FGD3: variants seen among roughly 807,000 people sequenced by gnomAD.
FGD3 encodes the protein FYVE, RhoGEF and PH domain containing 3, also known as FYVE, RhoGEF and PH domain-containing protein 3.
FGD3 carries 45 observed loss-of-function variants against 71.8 expected under a neutral mutation model. That is an observed-to-expected ratio of 0.63 (90% CI 0.49 to 0.80). FGD3 has a LOEUF of 0.80. FGD3 is among the 30% of genes least tolerant of loss of function. The pLI is 0.00. For synonymous variants in FGD3, 378 were observed against 392.8 expected (o/e 0.96, Z 0.44); for missense variants, 844 against 951.5 (o/e 0.89, Z 1.49).
intron 6 of FGD3, 45 bp downstream of exon 6, chr9:93,006,225 C>T (rs1341161059): frequency 2.0e-6 from 3 of 1,472,344 alleles, no homozygotes; most frequent in African/African-American, 1.4e-5. Flanking sequence ...TCTCAAGATG[C>T]ACAGAGCCTG....
chr9:92,949,069 T>A (rs1858906728), intron 1 of FGD3, among the ~76,000 whole-genome samples: 2 of 152,186 alleles, frequency 1.3e-5, no homozygotes. Flanking sequence ...CCTAGGGGAC[T>A]GCAGGCTTCT....
At chr9:93,034,858 A>C (rs958049184) in intron 17 of FGD3, among the ~76,000 whole-genome samples, 177 bp downstream of exon 17, 6 of 152,094 alleles carry the variant, frequency 3.9e-5, no homozygotes, top group Non-Finnish European at 8.8e-5. Flanking sequence ...AGGAGACAGA[A>C]CCTACTGGCA....
At chr9:92,988,216 T>C (rs1185808204) in intron 3 of FGD3, among the ~76,000 whole-genome samples, 2 of 152,206 alleles carry the variant, frequency 1.3e-5, no homozygotes, top group Non-Finnish European at 1.5e-5. Flanking sequence ...CACACACTAG[T>C]TGAAGAGGCC....
At position 92,952,969 on chromosome 9, in the gene FGD3, C is replaced by T. The variant is rs138079601; in HGVS notation, c.-218+5240C>T. Reference sequence around the variant, plus strand: ...CTTAGACTAAGGATTGAATAGTAAACGGTGGATCCAAGTGATTGTGAGAAT... The same window carrying T: ...CTTAGACTAAGGATTGAATAGTAAATGGTGGATCCAAGTGATTGTGAGAAT... On this transcript the variant is annotated intron_variant, in intron 1 of 17. Coordinates refer to ENST00000375482, the MANE Select transcript of FGD3 (RefSeq NM_001083536.2). 3.3e-3 allele frequency among the ~76,000 whole-genome samples: 498 copies of T among 152,278 alleles called. 3 individuals carry two copies. Among genetic ancestry groups the T allele is most frequent in the South Asian group, 6.6e-3 (32 of 4,830 alleles).
At chr9:92,984,481 A>G (rs769934922) in intron 3 of FGD3, among the ~76,000 whole-genome samples, 2 of 152,206 alleles carry the variant, frequency 1.3e-5, no homozygotes, top group Non-Finnish European at 2.9e-5. Flanking sequence ...GGTTATCTAC[A>G]TACTGTAGAA....
At chr9:93,019,416 T>G (rs889894574) in intron 11 of FGD3, among the ~76,000 whole-genome samples, 4 of 152,224 alleles carry the variant, frequency 2.6e-5, no homozygotes, top group Non-Finnish European at 5.9e-5. Flanking sequence ...TCTGCATATG[T>G]GTAATTGTAG....
At chr9:92,987,687 T>G (rs971254574) in intron 3 of FGD3, among the ~76,000 whole-genome samples, 2 of 152,062 alleles carry the variant, frequency 1.3e-5, no homozygotes, top group African/African-American at 4.8e-5. Flanking sequence ...CGCCCCTGAT[T>G]CTTTCGTGTG....
intron 1 of FGD3, among the ~76,000 whole-genome samples, chr9:92,963,448 C>T (rs923828966): frequency 2.6e-5 from 4 of 152,064 alleles, no homozygotes; most frequent in Admixed American, 1.3e-4. Flanking sequence ...TACAAGCATG[C>T]GTCACAATGC....
rs545041891 is a variant in FGD3 at position 93,033,439 on chromosome 9, G to A, written c.1785+566G>A. 266 of 156,096 alleles carry A rather than the reference G, an allele frequency of 1.7e-3. 2 individuals carry two copies. Among genetic ancestry groups the A allele is most frequent in the African/African-American group, 6.6e-3 (248 of 37,348 alleles). 9.7% of individuals were successfully genotyped at this position (156,096 alleles called of 1,614,324 possible). ...CCTCCTCCTGCTCCTTCTCCTCCCC[G>A]TACCCTTTTTCTACTCTTCCCTCTC... On this transcript the variant is annotated intron_variant, in intron 16 of 17. Transcript: ENST00000375482.
At position 93,018,123 on chromosome 9, in the gene FGD3, C is replaced by G. The variant is rs762186418; in HGVS notation, c.1276-13C>G. On this transcript the variant is annotated splice_polypyrimidine_tract_variant and intron_variant, in intron 10 of 17. Transcript: ENST00000375482. ...GCTTGGGTTTGCTTTGTTCTTTGTT[C>G]TTGCCCCTTCAGGTGCAGGATATCG... is the stretch of plus-strand genomic sequence containing the variant. 6.2e-7 allele frequency: 1 copy of G among 1,613,618 alleles called. No individual in the cohort carries two copies. Among genetic ancestry groups the G allele is most frequent in the Non-Finnish European group, 8.5e-7 (1 of 1,179,608 alleles).
At chr9:92,999,995 A>G (rs562606853) in intron 3 of FGD3, among the ~76,000 whole-genome samples, 27 of 152,042 alleles carry the variant, frequency 1.8e-4, no homozygotes, top group African/African-American at 6.3e-4. Flanking sequence ...TGGATGTCTT[A>G]TAGGTTTTTT....
chr9:92,949,674 C>T (rs565633209), intron 1 of FGD3, among the ~76,000 whole-genome samples: 2 of 152,294 alleles, frequency 1.3e-5, no homozygotes, highest in South Asian at 2.1e-4. Context: ...CACCAGGCAG[C>T]GGCTCTTGGC....
At position 92,983,096 on chromosome 9, in the gene FGD3, AT is replaced by A. The variant is rs1448346176; in HGVS notation, c.453+6389del. ...GTGAGACTCTGTCTAAAAAAAAAAAATTCACCTTTTAAAAAGGATTAAAACA... is the reference window on the plus strand; with the variant it reads ...GTGAGACTCTGTCTAAAAAAAAAAAATCACCTTTTAAAAAGGATTAAAACA... On this transcript the variant is annotated intron_variant, in intron 3 of 17. Coordinates refer to ENST00000375482, the MANE Select transcript of FGD3 (RefSeq NM_001083536.2). Among the ~76,000 whole-genome samples, 149 of 152,116 alleles carry A rather than the reference AT, an allele frequency of 9.8e-4. 1 individual carries two copies. Among genetic ancestry groups the A allele is most frequent in the African/African-American group, 3.5e-3 (144 of 41,472 alleles).
At chr9:92,987,213 A>G (rs554188660) in intron 3 of FGD3, among the ~76,000 whole-genome samples, 80 of 152,206 alleles carry the variant, frequency 5.3e-4, no homozygotes, top group African/African-American at 1.8e-3. Flanking sequence ...TGGGCAGATC[A>G]TGAGGTCAGG....
chr9:92,953,696 G>C (rs1336921844), intron 1 of FGD3, among the ~76,000 whole-genome samples: 1 of 152,210 alleles, frequency 6.6e-6, no homozygotes, highest in Non-Finnish European at 1.5e-5. Context: ...TGCCTGGGAG[G>C]AAGGCAGGTA....
At chr9:93,017,674 C>A (rs1861753709) in intron 10 of FGD3, among the ~76,000 whole-genome samples, 1 of 152,178 alleles carries the variant, frequency 6.6e-6, no homozygotes, top group South Asian at 2.1e-4. Flanking sequence ...TCAGGGCGCA[C>A]CTGCTCAGGG....
At chr9:92,991,065 A>ATTTGTTTGTTTG (rs144744941) in intron 3 of FGD3, among the ~76,000 whole-genome samples, 45 of 151,168 alleles carry the variant, frequency 3.0e-4, no homozygotes, top group Admixed American at 4.6e-4. Context: ...TTGTTTGGAG[A>ATTTGTTTGTTTG]TTTGTTTGTT....
intron 11 of FGD3, among the ~76,000 whole-genome samples, chr9:93,019,336 G>A (rs1383753778): frequency 6.6e-6 from 1 of 152,170 alleles, no homozygotes; most frequent in Non-Finnish European, 1.5e-5. Context: ...CCACTGACGA[G>A]GACCTGCGCT....
At chr9:92,949,672 A>G (rs547216544) in intron 1 of FGD3, among the ~76,000 whole-genome samples, 1 of 152,316 alleles carries the variant, frequency 6.6e-6, no homozygotes, top group East Asian at 1.9e-4. Context: ...GCCACCAGGC[A>G]GCGGCTCTTG....
Sources: allele counts gnomAD v4.1 joint callset (sites outside exome capture counted in the v4.1 genomes callset), GRCh38; gene constraint gnomAD v4.1.1; transcripts MANE v1.5; gene names NCBI Gene and HGNC (gene_info 2026-07-23, HGNC 2026-07-21).